Variants in HS2ST1 observed in about 807,000 individuals in gnomAD.
The protein encoded by HS2ST1 is heparan sulfate 2-O-sulfotransferase 1.
HS2ST1 carries 18 observed loss-of-function variants against 42.9 expected under a neutral mutation model. That is an observed-to-expected ratio of 0.42 (90% CI 0.29 to 0.62). HS2ST1 has a LOEUF of 0.62. HS2ST1 is among the 20% of genes least tolerant of loss of function. The pLI, the probability that HS2ST1 is intolerant of heterozygous loss-of-function variation, is 0.21. For synonymous variants in HS2ST1, 146 were observed against 152.9 expected, an observed-to-expected ratio of 0.95 and a Z score of 0.33; for missense variants, 334 against 433.8, an observed-to-expected ratio of 0.77 and a Z score of 2.04.
At chr1:86,994,942 ACT>A (rs1649056322) in intron 1 of HS2ST1, among the ~76,000 whole-genome samples, 1 of 151,894 alleles carries the variant, frequency 6.6e-6, no homozygotes, top group Admixed American at 6.6e-5. Context: ...TTATGACAAA[ACT>A]CTTTTTGTGG....
chr1:86,918,435 A>G (rs1460190371), intron 1 of HS2ST1, among the ~76,000 whole-genome samples: 1 of 152,048 alleles, frequency 6.6e-6, no homozygotes, highest in African/African-American at 2.4e-5. Context: ...CCATTATTCT[A>G]GTAACGGACA....
rs1325018997 is a variant in HS2ST1 at position 87,107,645 on chromosome 1, A to G, written c.*2949A>G. On this transcript the variant is annotated 3_prime_UTR_variant, in exon 7 of 7. Coordinates refer to ENST00000370550, the MANE Select transcript of HS2ST1 (RefSeq NM_012262.4). ...GTGTGTATGTGAAATATATATACAT[A>G]TATATATATATGTTTATTTCCTAAA... 1.2e-3 allele frequency: 5 copies of G among 4,306 alleles called. No homozygotes were observed. 0.3% of individuals were successfully genotyped at this position (4,306 alleles called of 1,614,324 possible). A position where few individuals can be genotyped will look rare whatever the true frequency, so the allele number is the denominator to read the frequency against.
chr1:87,053,059 A>G (rs971051440), intron 1 of HS2ST1, among the ~76,000 whole-genome samples: 8 of 152,224 alleles, frequency 5.3e-5, no homozygotes, highest in African/African-American at 1.9e-4. Flanking sequence ...GATGCATATC[A>G]AACTCCAGTA....
intron 1 of HS2ST1, among the ~76,000 whole-genome samples, chr1:86,985,709 A>G (rs1386071809): frequency 6.6e-6 from 1 of 151,870 alleles, no homozygotes; most frequent in Admixed American, 6.6e-5. Flanking sequence ...ATAAATGGCA[A>G]TCTTACTCTC....
At chr1:86,998,771 A>G (rs1649184125) in intron 1 of HS2ST1, among the ~76,000 whole-genome samples, 1 of 152,156 alleles carries the variant, frequency 6.6e-6, no homozygotes, top group Non-Finnish European at 1.5e-5. Context: ...ATATTTTTCA[A>G]CTTTCCCAAA....
chr1:87,003,137 A>G (rs1570476771), intron 1 of HS2ST1, among the ~76,000 whole-genome samples: 1 of 152,238 alleles, frequency 6.6e-6, no homozygotes, highest in African/African-American at 2.4e-5. Context: ...ATCTTTGAAC[A>G]GGGAAAGCAA....
At chr1:86,980,780 G>A (rs903785390) in intron 1 of HS2ST1, among the ~76,000 whole-genome samples, 1 of 152,012 alleles carries the variant, frequency 6.6e-6, no homozygotes, top group East Asian at 1.9e-4. Flanking sequence ...TTAGGATATC[G>A]GGGACAAAAT....
chr1:87,049,407 G>A (rs1004978011), intron 1 of HS2ST1, among the ~76,000 whole-genome samples: 22 of 151,780 alleles, frequency 1.4e-4, no homozygotes, highest in Non-Finnish European at 2.4e-4. Flanking sequence ...TAATATGATC[G>A]TGTAGTGCTG....
At chr1:86,985,475 CACATATAT>C (rs1648747145) in intron 1 of HS2ST1, among the ~76,000 whole-genome samples, 1 of 71,872 alleles carries the variant, frequency 1.4e-5, no homozygotes, top group African/African-American at 3.9e-5. Flanking sequence ...CACATATATA[CACATATAT>C]ACACATATAT....
At chr1:86,984,906 C>CAAA (rs34820915) in intron 1 of HS2ST1, among the ~76,000 whole-genome samples, 10 of 118,066 alleles carry the variant, frequency 8.5e-5, no homozygotes, top group African/African-American at 2.9e-4. Flanking sequence ...ATCTCCGTCT[C>CAAA]AAAAAAAAAA....
chr1:86,936,520 A>T lies in HS2ST1; in HGVS notation c.124+21360A>T, dbSNP rs78702226. ...TTACCAAGTTTCAGGAGTTATAATCATTTCAAATAAATCATGTAATTTAAC... is the reference window on the plus strand; with the variant it reads ...TTACCAAGTTTCAGGAGTTATAATCTTTTCAAATAAATCATGTAATTTAAC... On this transcript the variant is annotated intron_variant, in intron 1 of 6. Coordinates refer to ENST00000370550, the MANE Select transcript of HS2ST1 (RefSeq NM_012262.4). Among the ~76,000 whole-genome samples, 219 of 152,344 alleles carry T rather than the reference A, an allele frequency of 1.4e-3. 1 individual carries two copies. Among genetic ancestry groups the T allele is most frequent in the African/African-American group, 5.0e-3 (208 of 41,578 alleles).
chr1:87,095,749 T>G (rs1436434263), intron 4 of HS2ST1, among the ~76,000 whole-genome samples: 2 of 152,246 alleles, frequency 1.3e-5, no homozygotes, highest in Admixed American at 6.5e-5. Flanking sequence ...TGTTTTGTTT[T>G]GGGTTATATC....
At chr1:87,045,355 T>C in intron 1 of HS2ST1, 1 of 1,335,318 alleles carries the variant, frequency 7.5e-7, no homozygotes, top group Non-Finnish European at 1.1e-6. Flanking sequence ...GATTATTAGC[T>C]TCTGTCTCTC....
intron 1 of HS2ST1, among the ~76,000 whole-genome samples, chr1:86,931,357 CTTATT>C (rs745392679): frequency 3.9e-5 from 6 of 151,942 alleles, no homozygotes; most frequent in Admixed American, 6.6e-5. Context: ...TATTAAATAA[CTTATT>C]TTAATTTTGT....
At chr1:87,005,460 A>G (rs545608352) in intron 1 of HS2ST1, among the ~76,000 whole-genome samples, 1 of 152,210 alleles carries the variant, frequency 6.6e-6, no homozygotes, top group Non-Finnish European at 1.5e-5. Context: ...ATTAACTACA[A>G]TAAAAGACAA....
At chr1:87,094,183 C>T (rs1057050241) in intron 4 of HS2ST1, among the ~76,000 whole-genome samples, 2 of 151,904 alleles carry the variant, frequency 1.3e-5, no homozygotes, top group Non-Finnish European at 2.9e-5. Context: ...TATCTGTCTC[C>T]CTCCTTTGAC....
chr1:86,964,762 A>T (rs1647994524), intron 1 of HS2ST1, among the ~76,000 whole-genome samples: 1 of 152,240 alleles, frequency 6.6e-6, no homozygotes, highest in Admixed American at 6.5e-5. Context: ...TTTATTTATC[A>T]TGAGTAAGTG....
intron 1 of HS2ST1, among the ~76,000 whole-genome samples, chr1:86,962,045 ATGC>A (rs1647860436): frequency 6.6e-6 from 1 of 152,168 alleles, no homozygotes; most frequent in Non-Finnish European, 1.5e-5. Context: ...ATTGTAAGTA[ATGC>A]TGCCATAAAT....
chr1:86,995,449 A>G (rs1465242864), intron 1 of HS2ST1, among the ~76,000 whole-genome samples: 1 of 152,216 alleles, frequency 6.6e-6, no homozygotes, highest in African/African-American at 2.4e-5. Flanking sequence ...CTGTCACTAC[A>G]TAGCAATTCC....
Sources: allele counts gnomAD v4.1 joint callset (sites outside exome capture counted in the v4.1 genomes callset), GRCh38; gene constraint gnomAD v4.1.1; transcripts MANE v1.5; gene names NCBI Gene and HGNC (gene_info 2026-07-23, HGNC 2026-07-21).